Variants in RANBP2 observed in about 807,000 individuals in gnomAD.
RANBP2 encodes RAN binding protein 2.
Under a neutral mutation model 303.6 loss-of-function variants are expected in RANBP2, and 57 were observed. That is an observed-to-expected ratio of 0.19 (90% CI 0.15 to 0.23). The LOEUF (loss-of-function observed/expected upper bound fraction) is 0.23. RANBP2 is among the 10% of genes least tolerant of loss of function. The pLI, the probability that RANBP2 is intolerant of heterozygous loss-of-function variation, is 1.00. For synonymous variants in RANBP2, 1,167 were observed against 1,301.5 expected, an observed-to-expected ratio of 0.90 and a Z score of 2.23; for missense variants, 3,138 against 3,780.8, an observed-to-expected ratio of 0.83 and a Z score of 4.46.
the RANBP2 span, among the ~76,000 whole-genome samples, chr2:109,114,054 T>C: frequency 4.6e-5 from 7 of 152,190 alleles, no homozygotes; most frequent in African/African-American, 1.7e-4. Context: ...TTATTGAGGA[T>C]TTTTGCATCA....
the RANBP2 span, among the ~76,000 whole-genome samples, chr2:109,065,537 T>C: frequency 6.6e-6 from 1 of 152,152 alleles, no homozygotes; most frequent in African/African-American, 2.4e-5. Context: ...CAGCCCCAAG[T>C]GTCAGGGACT....
the RANBP2 span, among the ~76,000 whole-genome samples, chr2:109,373,722 T>G: frequency 6.6e-6 from 1 of 152,096 alleles, no homozygotes; most frequent in Non-Finnish European, 1.5e-5. Flanking sequence ...CTGCACAGAT[T>G]ATGCTGCTGT....
At chr2:109,080,392 T>C in the RANBP2 span, among the ~76,000 whole-genome samples, 2 of 152,078 alleles carry the variant, frequency 1.3e-5, no homozygotes, top group African/African-American at 2.4e-5. Context: ...CTGGAGGTGA[T>C]GTGGAGCTTT....
At chr2:109,230,760 G>T in the RANBP2 span, among the ~76,000 whole-genome samples, 2 of 152,140 alleles carry the variant, frequency 1.3e-5, no homozygotes, top group Non-Finnish European at 2.9e-5. Context: ...CTTAAAATGG[G>T]TTTGTCTGGA....
At chr2:108,897,329 A>T in the RANBP2 span, 13,619 of 1,227,990 alleles carry the variant, frequency 0.011, 119 homozygotes, top group Non-Finnish European at 0.013. Flanking sequence ...ATTTGAAAAA[A>T]ATTTTTTTAA....
chr2:109,660,052 T>C, the RANBP2 span, among the ~76,000 whole-genome samples: 1 of 152,210 alleles, frequency 6.6e-6, no homozygotes, highest in Non-Finnish European at 1.5e-5. Context: ...CAATTTGTGC[T>C]TATTTCCTAG....
At chr2:109,449,569 A>G in the RANBP2 span, 2 of 1,498,292 alleles carry the variant, frequency 1.3e-6, no homozygotes, top group Middle Eastern at 1.8e-4. Flanking sequence ...TGGCAGTGGC[A>G]TTTGTGCAAT....
the RANBP2 span, among the ~76,000 whole-genome samples, chr2:108,927,513 C>T: frequency 2.0e-4 from 30 of 152,194 alleles, no homozygotes; most frequent in Admixed American, 1.8e-3. Flanking sequence ...AGAGTCAGCC[C>T]TGGCCTTCGG....
Position 108,763,409 on chromosome 2 carries a change from G to T in RANBP2, c.2870G>T (p.Arg957Met). The change falls in exon 20 of 29, where the codon AGG becomes ATG. Residue 957 changes from arginine (R) to methionine (M), a missense_variant. Arg to Met is a moderately conservative substitution (Grantham distance 91). This residue lies in a region of RANBP2 where 403 missense variants were observed against 376.7 expected (regional missense o/e 1.07). Coordinates refer to ENST00000283195, the MANE Select transcript of RANBP2 (RefSeq NM_006267.5). ...CCTGCAACGGGAATTCTATCGCCCA[G>T]GGGTGATGATTACTTTAATTACAAT... ...ESPATGILSP[R>M]GDDYFNYNVQ... is the part of the protein sequence containing the mutation. The T allele has an allele frequency of 6.2e-7, 1 of 1,613,970 alleles. No homozygotes were observed. The highest frequency in any genetic ancestry group is 8.5e-7 in the Non-Finnish European group (1 of 1,179,966).
chr2:109,411,432 C>T, the RANBP2 span, among the ~76,000 whole-genome samples: 1 of 152,278 alleles, frequency 6.6e-6, no homozygotes, highest in South Asian at 2.1e-4. Flanking sequence ...GGGCCTGTGG[C>T]CCCCAGTAGC....
chr2:109,326,268 G>GT, the RANBP2 span, among the ~76,000 whole-genome samples: 2 of 152,228 alleles, frequency 1.3e-5, no homozygotes, highest in East Asian at 1.9e-4. Flanking sequence ...TCGCTCATTT[G>GT]TTTTTTTATG....
the RANBP2 span, among the ~76,000 whole-genome samples, chr2:109,147,615 G>T: frequency 6.6e-6 from 1 of 152,182 alleles, no homozygotes; most frequent in Non-Finnish European, 1.5e-5. Context: ...GTCTCATAGC[G>T]TGTTATCGAT....
At chr2:109,666,139 A>AT in the RANBP2 span, among the ~76,000 whole-genome samples, 1 of 152,062 alleles carries the variant, frequency 6.6e-6, no homozygotes, top group South Asian at 2.1e-4. Flanking sequence ...AACTAAAAAA[A>AT]AAAAAAAAAT....
the RANBP2 span, among the ~76,000 whole-genome samples, chr2:109,591,504 G>A: frequency 2.9e-4 from 44 of 152,298 alleles, no homozygotes; most frequent in African/African-American, 9.9e-4. Context: ...CTGTGAGGAA[G>A]ATGGAATAGA....
chr2:109,223,009 G>T, the RANBP2 span, among the ~76,000 whole-genome samples: 10 of 152,236 alleles, frequency 6.6e-5, no homozygotes, highest in Admixed American at 6.5e-4. Flanking sequence ...TCAGGGTGAA[G>T]AGGGCACTGT....
At chr2:109,237,417 A>G in the RANBP2 span, among the ~76,000 whole-genome samples, 1 of 152,224 alleles carries the variant, frequency 6.6e-6, no homozygotes, top group Non-Finnish European at 1.5e-5. Flanking sequence ...TAACAAGTCT[A>G]TGGAGAAGGT....
chr2:109,718,499 A>G, the RANBP2 span, among the ~76,000 whole-genome samples: 1 of 152,216 alleles, frequency 6.6e-6, no homozygotes, highest in Admixed American at 6.5e-5. Flanking sequence ...ATTTATACAA[A>G]AGTCCAGAAT....
the RANBP2 span, among the ~76,000 whole-genome samples, chr2:108,809,787 A>T: frequency 7.7e-6 from 1 of 129,840 alleles, no homozygotes; most frequent in Non-Finnish European, 1.7e-5. Flanking sequence ...AATTTGACTC[A>T]TTTCCAATTT....
chr2:109,724,725 C>T, the RANBP2 span, among the ~76,000 whole-genome samples: 7 of 152,164 alleles, frequency 4.6e-5, no homozygotes, highest in Admixed American at 1.3e-4. Context: ...AGCTTTTGCA[C>T]CCCTCCTCCC....
Sources: gnomAD v4.1 joint callset for allele counts (sites outside exome capture counted in the v4.1 genomes callset) on GRCh38, gnomAD v4.1.1 for gene constraint, gnomAD v4.1.1 regional missense constraint, MANE v1.5 for transcripts, NCBI Gene and HGNC (gene_info 2026-07-23, HGNC 2026-07-21) for gene names.